AARS2: variants seen among roughly 807,000 people sequenced by gnomAD.
The protein encoded by AARS2 is alanyl-tRNA synthetase 2, mitochondrial, also known as alanine--tRNA ligase, mitochondrial.
AARS2 carries 78 observed loss-of-function variants against 119.7 expected under a neutral mutation model. That is an observed-to-expected ratio of 0.65 (90% confidence interval 0.54 to 0.79). The LOEUF (loss-of-function observed/expected upper bound fraction) is 0.79. AARS2 is among the 30% of genes least tolerant of loss of function. The pLI, the probability that AARS2 is intolerant of heterozygous loss-of-function variation, is 0.00. For synonymous variants in AARS2, 502 were observed against 526.3 expected (o/e 0.95, Z 0.63); for missense variants, 1,157 against 1,291.3 (o/e 0.90, Z 1.59).
rs927788941 is a variant in AARS2 at position 44,300,140 on chromosome 6, C to T, written c.*407G>A. The T allele has an allele frequency of 3.6e-5, 9 of 251,608 alleles. No homozygotes were observed. Among genetic ancestry groups the T allele is most frequent in the Non-Finnish European group, 5.5e-5 (7 of 126,436 alleles). The allele number at this position is 251,608 out of a possible 1,614,324, so 15.6% of individuals were successfully genotyped here. ...GACTACAGGCGTGTGCCACCACACC[C>T]GGCTAATTTTTTGTATTTTTAGTAG... On this transcript the variant is annotated 3_prime_UTR_variant, in exon 22 of 22. Coordinates refer to ENST00000244571, the MANE Select transcript of AARS2 (RefSeq NM_020745.4).
At chr6:44,306,141 G>A in intron 9 of AARS2, 139 bp downstream of exon 9, 1 of 862,732 alleles carries the variant, frequency 1.2e-6, no homozygotes, top group Non-Finnish European at 1.9e-6. Flanking sequence ...GGGTATGGAA[G>A]GAGAGTCCAG....
intron 7 of AARS2, 128 bp from the exon 8 acceptor site, chr6:44,306,660 T>C: frequency 8.5e-7 from 1 of 1,175,744 alleles, no homozygotes; most frequent in Non-Finnish European, 1.3e-6. Flanking sequence ...GGAGAGGGAC[T>C]CAAATGGGGA....
Position 44,301,457 on chromosome 6 carries a change from T to C in AARS2, c.2606A>G (p.Lys869Arg), listed in dbSNP as rs1056757718. ...CCGCTCCAGCAGCTCCTGAGTTTTC[T>C]TTGCAGCCTATGGGGCAGGAAGGAC... ...IRKLQMGQAA[K>R]KTQELLERHS... The change falls in exon 20 of 22, where the codon AAG (lysine) becomes AGG (arginine). Residue 869 changes from lysine to arginine, a missense_variant. Physicochemically the swap from Lys to Arg is conservative, Grantham distance 26. Transcript: ENST00000244571. 1.2e-6 allele frequency: 2 copies of C among 1,613,076 alleles called. No homozygotes were observed. The highest frequency in any genetic ancestry group is 2.2e-5 in the South Asian group (2 of 91,068).
chr6:44,300,428 G>A lies in AARS2; in HGVS notation c.*119C>T. ...GCCCTGGCCCAGGTGATCTTCTTTG[G>A]CTCAGCTGCTTGGCCTCCAGCCTCT... is the stretch of plus-strand genomic sequence containing the variant. On this transcript the variant is annotated 3_prime_UTR_variant, in exon 22 of 22. Coordinates refer to ENST00000244571, the MANE Select transcript of AARS2 (RefSeq NM_020745.4). The A allele has an allele frequency of 6.9e-7, 1 of 1,445,516 alleles. No individual in the cohort carries two copies. Among genetic ancestry groups the A allele is most frequent in the East Asian group, 2.3e-5 (1 of 44,014 alleles). 89.5% of individuals were successfully genotyped at this position (1,445,516 alleles called of 1,614,324 possible).
chr6:44,306,815 A>T, intron 7 of AARS2, 108 bp downstream of exon 7: 1 of 1,042,318 alleles, frequency 9.6e-7, no homozygotes, highest in Non-Finnish European at 1.5e-6. Context: ...CTCGATATTT[A>T]GGGTGGGGAC....
chr6:44,303,265 A>G, intron 15 of AARS2, 21 bp downstream of exon 15: 1 of 1,614,134 alleles, frequency 6.2e-7, no homozygotes. Flanking sequence ...GATCTCCAGC[A>G]AAAGGGCTTC....
At chr6:44,310,535 C>G in intron 4 of AARS2, 92 bp from the exon 5 acceptor site, 1 of 1,535,436 alleles carries the variant, frequency 6.5e-7, no homozygotes, top group South Asian at 1.1e-5. Context: ...GGGGGGGGCC[C>G]AAGGGAGCTG....
chr6:44,300,863 T>C (rs2153353417), intron 21 of AARS2, 152 bp from the exon 22 acceptor site: 1 of 1,035,922 alleles, frequency 9.7e-7, no homozygotes, highest in East Asian at 2.6e-5. Context: ...CCGGAGAAGG[T>C]TTGGGCTGGA....
At position 44,301,962 on chromosome 6, in the gene AARS2, C is replaced by G. The variant is rs1397455493; in HGVS notation, c.2598+98G>C. 3 of 1,279,160 alleles carry G rather than the reference C, an allele frequency of 2.3e-6. No homozygotes were observed. The East Asian group carries it at 7.5e-5, about 32-fold the overall frequency. The allele number at this position is 1,279,160 out of a possible 1,614,324, so 79.2% of individuals were successfully genotyped here. A position where few individuals can be genotyped will look rare whatever the true frequency, so the allele number is the denominator to read the frequency against. ...AAGCTGCCACCACCCCGTCCTTGCA[C>G]AGCCTCTGACTCACCCCCATGCCCC... On this transcript the variant is annotated intron_variant, in intron 19 of 21. Coordinates refer to ENST00000244571, the MANE Select transcript of AARS2 (RefSeq NM_020745.4).
In AARS2 at chr6:44,302,789, C is replaced by T. The variant is rs1317031842; in HGVS notation, c.2364+13G>A. The stretch of plus-strand genomic sequence containing the variant: ...ACTCAACCCAGAAGTCCCAGGCCTA[C>T]TGGCATGCTGACCTGCTGGGCCTGC... On this transcript the variant is annotated intron_variant, in intron 17 of 21. Coordinates refer to ENST00000244571, the MANE Select transcript of AARS2 (RefSeq NM_020745.4). The T allele has an allele frequency of 6.2e-7, 1 of 1,610,812 alleles. No homozygotes were observed. Among genetic ancestry groups the T allele is most frequent in the African/African-American group, 1.3e-5 (1 of 74,890 alleles).
chr6:44,304,354 G>C (rs1340296992), intron 13 of AARS2, 33 bp from the exon 14 acceptor site: 1 of 1,614,206 alleles, frequency 6.2e-7, no homozygotes, highest in African/African-American at 1.3e-5. Context: ...CGTCCTGGGT[G>C]AGGGCAGGGG....
chr6:44,303,078 A>G lies in AARS2; in HGVS notation c.2243T>C (p.Leu748Pro), dbSNP rs1255103252. The G allele has an allele frequency of 6.2e-7, 1 of 1,613,950 alleles. No individual in the cohort carries two copies. Among genetic ancestry groups the G allele is most frequent in the Non-Finnish European group, 8.5e-7 (1 of 1,180,024 alleles). Residue 748 changes from leucine (L) to proline (P), a missense_variant, in exon 16 of 22, where the codon CTA (leucine) becomes CCA (proline). By Grantham distance (98) the Leu-to-Pro change is moderately conservative. Transcript: ENST00000244571. ...AGGAGTGACTCACGTCCCACAGCAT[A>G]GCTCCACAGAGGTCTGCAGTGCGGC... ...SQAALQTSVE[L>P]CCGTHLLRTG...
rs752586703 is a variant in AARS2 at position 44,311,365 on chromosome 6, G to A, written c.581+25C>T. 5.0e-6 allele frequency: 8 copies of A among 1,614,106 alleles called. No homozygotes were observed. In the South Asian group the frequency reaches 7.7e-5, roughly 16 times the overall value. Reference sequence around the variant, plus strand: ...TCCAGTCCTCCTGACCTCCAGGAATGAACATAAGAAGGGGGCTGACTTACC... The same window carrying A: ...TCCAGTCCTCCTGACCTCCAGGAATAAACATAAGAAGGGGGCTGACTTACC... On this transcript the variant is annotated intron_variant, in intron 3 of 21. Coordinates refer to ENST00000244571, the MANE Select transcript of AARS2 (RefSeq NM_020745.4).
In AARS2 at chr6:44,300,508, A is replaced by G; in HGVS notation, c.*39T>C. On this transcript the variant is annotated 3_prime_UTR_variant, in exon 22 of 22. Transcript: ENST00000244571. ...TGCTGGCTCCTTCAGGGCTCCTGGC[A>G]TTGCCTTTAGTCCATGTGGGTCCCT... The G allele has an allele frequency of 6.2e-7, 1 of 1,613,512 alleles. No homozygotes were observed. Among genetic ancestry groups the G allele is most frequent in the Non-Finnish European group, 8.5e-7 (1 of 1,179,942 alleles).
intron 14 of AARS2, among the ~76,000 whole-genome samples, chr6:44,303,782 G>A (rs1583052313): frequency 6.6e-6 from 1 of 152,224 alleles, no homozygotes; most frequent in African/African-American, 2.4e-5. Flanking sequence ...GGATTAGCCA[G>A]CAAGTACTTC....
At position 44,313,145 on chromosome 6, in the gene AARS2, G is replaced by T. The variant is rs1363451641; in HGVS notation, c.179C>A (p.Pro60His). ...GCCGCGGGGCCGCACGGAAGCGGAGGGCACCAGCCGGTGGCCATGGCGGTC... is the reference window on the plus strand; with the variant it reads ...GCCGCGGGGCCGCACGGAAGCGGAGTGCACCAGCCGGTGGCCATGGCGGTC... The part of the protein sequence containing the change: ...FRDRHGHRLV[P>H]SASVRPRGDP... The change falls in exon 1 of 22, where the codon CCC becomes CAC. Residue 60 changes from proline (P) to histidine (H), a missense_variant. Transcript: ENST00000244571. 1.2e-6 allele frequency: 2 copies of T among 1,611,422 alleles called. No homozygotes were observed. Among genetic ancestry groups the T allele is most frequent in the South Asian group, 2.2e-5 (2 of 90,936 alleles).
intron 5 of AARS2, among the ~76,000 whole-genome samples, chr6:44,308,309 G>A (rs9472246): frequency 0.2 from 30,601 of 152,060 alleles, 3,320 homozygotes; most frequent in African/African-American, 0.26. Context: ...AGGCTGAGGC[G>A]GGTGGATCAC....
At position 44,305,654 on chromosome 6, in the gene AARS2, T is replaced by C; in HGVS notation, c.1433A>G (p.Gln478Arg). 6.2e-7 allele frequency: 1 copy of C among 1,613,966 alleles called. No homozygotes were observed. Among genetic ancestry groups the C allele is most frequent in the Non-Finnish European group, 8.5e-7 (1 of 1,180,000 alleles). Reference protein sequence around the residue: ...GLERLAQEEAQHRARQAEPVQ... With the variant: ...GLERLAQEEARHRARQAEPVQ... ...AGCATGGGGTGCCACAGCTTGTACC[T>C]GGGCCTCCTCTTGGGCCAACCGCTC... Residue 478 changes from glutamine (Q) to arginine (R), a missense_variant and splice_region_variant, in exon 10 of 22, where the codon CAG becomes CGG. By Grantham distance (43) the Gln-to-Arg change is conservative. Coordinates refer to ENST00000244571, the MANE Select transcript of AARS2 (RefSeq NM_020745.4). The surrounding 1 kb of genome is among the most constrained non-coding windows in gnomAD (Gnocchi z 4.6).
chr6:44,312,339 T>TA (rs1786434873), intron 1 of AARS2, 76 bp from the exon 2 acceptor site: 1 of 1,454,530 alleles, frequency 6.9e-7, no homozygotes, highest in African/African-American at 1.4e-5. Flanking sequence ...GGAGTGAGGA[T>TA]AGGGATGGCT....
Sources: gnomAD v4.1 joint callset for allele counts (sites outside exome capture counted in the v4.1 genomes callset) on GRCh38, gnomAD v4.1.1 for gene constraint, Gnocchi (gnomAD v3.1) non-coding constraint, MANE v1.5 for transcripts, NCBI Gene and HGNC (gene_info 2026-07-23, HGNC 2026-07-21) for gene names.